COL6A2: variants seen among roughly 807,000 people sequenced by gnomAD.
COL6A2 encodes the protein collagen alpha-2(VI) chain.
COL6A2 carries 90 observed loss-of-function variants against 124.9 expected under a neutral mutation model. The ratio of observed to expected loss-of-function variants is 0.72; its 90% CI spans 0.61 to 0.86. The LOEUF is 0.86. COL6A2 is among the 40% of genes least tolerant of loss of function. The probability of loss-of-function intolerance (pLI) is 0.00; values close to 1 mark genes in which losing one functional copy is unlikely to be tolerated. For synonymous variants in COL6A2, 793 were observed against 618.2 expected (o/e 1.28, Z -4.19); for missense variants, 1,607 against 1,502.5 (o/e 1.07, Z -1.15).
rs1601235994 is a variant in COL6A2 at position 46,120,592 on chromosome 21, T to G, written c.1395+15T>G. On this transcript the variant is annotated intron_variant, in intron 16 of 27. Coordinates refer to ENST00000300527, the MANE Select transcript of COL6A2 (RefSeq NM_001849.4). The stretch of plus-strand genomic sequence containing the variant: ...AAGGAGCCAAGGTAGGGGAGCAGGG[T>G]GGGCCGCACCCCAAGGTAGGGGATC... 2 of 1,452,858 alleles carry G rather than the reference T, an allele frequency of 1.4e-6. No homozygotes were observed. Among genetic ancestry groups the G allele is most frequent in the Non-Finnish European group, 1.8e-6 (2 of 1,101,584 alleles). The allele number at this position is 1,452,858 out of a possible 1,614,324, so 90.0% of individuals were successfully genotyped here. A position where few individuals can be genotyped will look rare whatever the true frequency, so the allele number is the denominator to read the frequency against.
chr21:46,132,438 G>A lies in COL6A2; in HGVS notation c.2946G>A (p.Met982Ile), dbSNP rs753423696. The change falls in exon 28 of 28, where the codon ATG becomes ATA. Residue 982 changes from methionine (M) to isoleucine (I), a missense_variant. By Grantham distance (10) the Met-to-Ile change is conservative. Transcript: ENST00000300527. ...TGGCCTTGGGCAGCGACGTGGACAT[G>A]GACGTGCTCACCACGCTCAGCCTGG... is the stretch of plus-strand genomic sequence containing the variant. ...TVLALGSDVDMDVLTTLSLGD... is the reference protein window; with the variant it reads ...TVLALGSDVDIDVLTTLSLGD... 7.5e-6 allele frequency: 12 copies of A among 1,606,534 alleles called. No individual in the cohort carries two copies. In the Admixed American group the frequency reaches 1.5e-4, roughly 20 times the overall value.
Position 46,124,635 on chromosome 21 carries a change from T to C in COL6A2, c.1672-16T>C, listed in dbSNP as rs2123658434. ...CCTGGGGCCACTGAAGCCCACCTGT[T>C]CTTGTTCCTTCTCAGGCGGATCCTG... On this transcript the variant is annotated splice_polypyrimidine_tract_variant and intron_variant, in intron 21 of 27. Coordinates refer to ENST00000300527, the MANE Select transcript of COL6A2 (RefSeq NM_001849.4). 1 of 1,612,770 alleles carries C rather than the reference T, an allele frequency of 6.2e-7. No homozygotes were observed. Among genetic ancestry groups the C allele is most frequent in the Non-Finnish European group, 8.5e-7 (1 of 1,179,782 alleles).
chr21:46,122,522 C>G lies in COL6A2; in HGVS notation c.1599C>G (p.Arg533=). The change falls in exon 20 of 28, where the codon CGC becomes CGG. Residue 533 remains arginine, a synonymous_variant. Coordinates refer to ENST00000300527, the MANE Select transcript of COL6A2 (RefSeq NM_001849.4). ...GAGAAAAAGGCGAGCCCGGCCCACG[C>G]GGCCCCGAGGTATGTGTGGGTCCTG... ...APGEKGEPGP[R]GPEGGRGDFG... 6.2e-7 allele frequency: 1 copy of G among 1,612,734 alleles called. No individual in the cohort carries two copies. The highest frequency in any genetic ancestry group is 8.5e-7 in the Non-Finnish European group (1 of 1,179,980).
chr21:46,127,087 G>A (rs867847134), intron 27 of COL6A2, among the ~76,000 whole-genome samples: 42 of 152,286 alleles, frequency 2.8e-4, no homozygotes, highest in East Asian at 5.8e-4. Context: ...TGGGGGTGCC[G>A]TCCAGGCTCT....
chr21:46,099,455 CAAAAAAAAAAAAAAAAA>C (rs35690093), intron 1 of COL6A2, among the ~76,000 whole-genome samples: 1 of 68,700 alleles, frequency 1.5e-5, no homozygotes, highest in Admixed American at 1.8e-4. Context: ...GAGACTGTCT[CAAAAAAAAAAAAAAAAA>C]AAAAAAAAAA....
chr21:46,119,011 C>T lies in COL6A2; in HGVS notation c.1180-19C>T, dbSNP rs766078377. 14 of 1,575,960 alleles carry T rather than the reference C, an allele frequency of 8.9e-6. No homozygotes were observed. In the South Asian group the frequency reaches 9.9e-5, roughly 11 times the overall value. On this transcript the variant is annotated intron_variant, in intron 13 of 27. Coordinates refer to ENST00000300527, the MANE Select transcript of COL6A2 (RefSeq NM_001849.4). Reference sequence around the variant, plus strand: ...GGGCCCCTGCCTCTGGGTGACTGTGCTGTCCTCTCCTTCTTCAGGGGTATC... The same window carrying T: ...GGGCCCCTGCCTCTGGGTGACTGTGTTGTCCTCTCCTTCTTCAGGGGTATC...
chr21:46,112,084 T>C lies in COL6A2; in HGVS notation c.221T>C (p.Val74Ala), dbSNP rs780700520. ...DILLFHMKQF[V>A]PQFISQLQNE... ...CTGCTCTTCCACATGAAGCAGTTCGTGCCGCAGTTCATCAGCCAGCTGCAG... is the reference window on the plus strand; with the variant it reads ...CTGCTCTTCCACATGAAGCAGTTCGCGCCGCAGTTCATCAGCCAGCTGCAG... Residue 74 changes from valine (V) to alanine (A), a missense_variant, in exon 3 of 28, where the codon GTG becomes GCG. Physicochemically the swap from Val to Ala is moderately conservative, Grantham distance 64. Coordinates refer to ENST00000300527, the MANE Select transcript of COL6A2 (RefSeq NM_001849.4). 3 of 1,613,082 alleles carry C rather than the reference T, an allele frequency of 1.9e-6. No homozygotes were observed. The highest frequency in any genetic ancestry group is 1.7e-6 in the Non-Finnish European group (2 of 1,180,044).
At position 46,126,650 on chromosome 21, in the gene COL6A2, G is replaced by A. The variant is rs748191532; in HGVS notation, c.2461+109G>A. On this transcript the variant is annotated intron_variant, in intron 27 of 27. Coordinates refer to ENST00000300527, the MANE Select transcript of COL6A2 (RefSeq NM_001849.4). Reference sequence around the variant, plus strand: ...GGGGCCGTGCAGGGACCCGGGGGGCGGCGGAGCCACTGCGGAGGCTGCTCC... The same window carrying A: ...GGGGCCGTGCAGGGACCCGGGGGGCAGCGGAGCCACTGCGGAGGCTGCTCC... The A allele has an allele frequency of 5.1e-5, 69 of 1,354,586 alleles. 1 individual carries two copies. Among genetic ancestry groups the A allele is most frequent in the African/African-American group, 8.6e-5 (6 of 69,554 alleles). The allele number at this position is 1,354,586 out of a possible 1,614,324, so 83.9% of individuals were successfully genotyped here. A position where few individuals can be genotyped will look rare whatever the true frequency, so the allele number is the denominator to read the frequency against.
chr21:46,119,420 CTCTG>C (rs1012670897), intron 14 of COL6A2, among the ~76,000 whole-genome samples: 21 of 152,308 alleles, frequency 1.4e-4, no homozygotes, highest in Admixed American at 1.3e-4. Flanking sequence ...TCCAAGGGGA[CTCTG>C]TCTGAGCATG....
At chr21:46,104,421 G>C (rs984070005) in intron 1 of COL6A2, among the ~76,000 whole-genome samples, 4 of 152,186 alleles carry the variant, frequency 2.6e-5, no homozygotes, top group African/African-American at 9.6e-5. Flanking sequence ...TGCAAAGGCA[G>C]ATTTCAGCAG....
At position 46,117,854 on chromosome 21, in the gene COL6A2, A is replaced by C; in HGVS notation, c.1054-20A>C. The stretch of plus-strand genomic sequence containing the variant: ...CCCCACCCGCCGTGTGCCGAGCTCC[A>C]CCTCTCACTCCTCTCTCAGGGCCCC... On this transcript the variant is annotated intron_variant, in intron 11 of 27. Coordinates refer to ENST00000300527, the MANE Select transcript of COL6A2 (RefSeq NM_001849.4). 1 of 1,606,006 alleles carries C rather than the reference A, an allele frequency of 6.2e-7. No homozygotes were observed. The highest frequency in any genetic ancestry group is 8.5e-7 in the Non-Finnish European group (1 of 1,177,534).
chr21:46,121,960 G>C, intron 18 of COL6A2, 148 bp from the exon 19 acceptor site: 2 of 844,038 alleles, frequency 2.4e-6, no homozygotes, highest in Non-Finnish European at 3.9e-6. Context: ...GGCGAGGTTG[G>C]CCCTGCCAGG....
intron 27 of COL6A2, among the ~76,000 whole-genome samples, chr21:46,127,860 T>C (rs12626732): frequency 0.45 from 67,879 of 151,944 alleles, 16,402 homozygotes; most frequent in Admixed American, 0.57. Context: ...AGCCTATCAT[T>C]GTAGTTGGGA....
Position 46,112,055 on chromosome 21 carries a change from C to T in COL6A2, c.192C>T (p.Asp64=). Residue 64 remains aspartate, a synonymous_variant, in exon 3 of 28, where the codon GAC becomes GAT. Transcript: ENST00000300527. ...GCGTCACCATGCAGTCCCCCACGGACATCCTGCTCTTCCACATGAAGCAGT... is the reference window on the plus strand; with the variant it reads ...GCGTCACCATGCAGTCCCCCACGGATATCCTGCTCTTCCACATGAAGCAGT... ...SESVTMQSPT[D]ILLFHMKQFV... The T allele has an allele frequency of 6.2e-7, 1 of 1,613,182 alleles. No homozygotes were observed. Among genetic ancestry groups the T allele is most frequent in the Non-Finnish European group, 8.5e-7 (1 of 1,180,028 alleles).
Position 46,132,354 on chromosome 21 carries a change from C to T in COL6A2, c.2862C>T (p.Asn954=), listed in dbSNP as rs761975390. The T allele has an allele frequency of 2.2e-5, 36 of 1,608,636 alleles. 1 individual carries two copies. The highest frequency in any genetic ancestry group is 8.9e-5 in the East Asian group (4 of 44,876). ...FVFLTDGVTG[N]DSLHESAHSM... is the part of the protein sequence containing the mutation. ...TCCTCACGGACGGCGTCACGGGCAA[C>T]GACAGTCTGCACGAGTCGGCGCACT... The change falls in exon 28 of 28, where the codon AAC becomes AAT. Residue 954 remains asparagine (N), a synonymous_variant. Transcript: ENST00000300527.
intron 27 of COL6A2, chr21:46,129,534 A>T (rs774240125): frequency 6.6e-7 from 1 of 1,515,204 alleles, no homozygotes; most frequent in East Asian, 2.3e-5. Flanking sequence ...TCCCTGCCAC[A>T]CTAGCTTCCC....
At chr21:46,105,658 CTG>C (rs1173555763) in intron 1 of COL6A2, among the ~76,000 whole-genome samples, 3 of 152,036 alleles carry the variant, frequency 2.0e-5, no homozygotes, top group Non-Finnish European at 4.4e-5. Context: ...TCAGTGTAGA[CTG>C]TTATAATTTT....
intron 1 of COL6A2, among the ~76,000 whole-genome samples, chr21:46,107,478 C>T (rs963254642): frequency 6.6e-6 from 1 of 152,168 alleles, no homozygotes; most frequent in Admixed American, 6.5e-5. Context: ...CTGTCCTTTA[C>T]TGGGGAAAAT....
chr21:46,122,087 C>A, intron 18 of COL6A2, 21 bp from the exon 19 acceptor site: 1 of 1,612,358 alleles, frequency 6.2e-7, no homozygotes, highest in Non-Finnish European at 8.5e-7. Flanking sequence ...CCATGCTGAC[C>A]GACTCAACGT....
Sources: gnomAD v4.1 joint callset for allele counts (sites outside exome capture counted in the v4.1 genomes callset) on GRCh38, gnomAD v4.1.1 for gene constraint, MANE v1.5 for transcripts, NCBI Gene and HGNC (gene_info 2026-07-23, HGNC 2026-07-21) for gene names.